CDC40: variants seen among roughly 807,000 people sequenced by gnomAD.
The protein encoded by CDC40 is cell division cycle 40, also known as pre-mRNA-processing factor 17.
In CDC40, 27 loss-of-function variants were observed where a neutral mutation model predicts 80.6. The ratio of observed to expected loss-of-function variants is 0.33; its 90% CI spans 0.25 to 0.46. The LOEUF (loss-of-function observed/expected upper bound fraction) is 0.46, where lower values mean the gene tolerates loss of function less well. Ranked by LOEUF, CDC40 falls within the 20% of genes least tolerant of loss-of-function variation. The pLI, the probability that CDC40 is intolerant of heterozygous loss-of-function variation, is 1.00. For synonymous variants in CDC40, 221 were observed against 232.6 expected (o/e 0.95, Z 0.45); for missense variants, 486 against 694.1 (o/e 0.70, Z 3.37).
At chr6:110,212,015 T>C in intron 6 of CDC40, 118 bp from the exon 7 acceptor site, 1 of 773,024 alleles carries the variant, frequency 1.3e-6, no homozygotes, top group African/African-American at 1.8e-5. Context: ...TGGAGTGTTA[T>C]TACCTAAACC....
chr6:110,210,341 G>T (rs948292183), intron 5 of CDC40, among the ~76,000 whole-genome samples: 11 of 151,736 alleles, frequency 7.2e-5, no homozygotes, highest in African/African-American at 2.7e-4. Context: ...CCAGAGCTCA[G>T]GAGTTCGAGA....
chr6:110,219,681 C>A, intron 11 of CDC40, 55 bp from the exon 12 acceptor site: 1 of 1,567,804 alleles, frequency 6.4e-7, no homozygotes, highest in Non-Finnish European at 8.7e-7. Context: ...GAATTATGGT[C>A]TTTCATAAAT....
intron 1 of CDC40, among the ~76,000 whole-genome samples, chr6:110,181,204 T>C (rs1254430846): frequency 6.6e-6 from 1 of 152,110 alleles, no homozygotes; most frequent in Non-Finnish European, 1.5e-5. Flanking sequence ...GCAGTAAATG[T>C]TTTATGATTG....
intron 5 of CDC40, among the ~76,000 whole-genome samples, chr6:110,209,611 A>G (rs1777607399): frequency 6.6e-6 from 1 of 152,084 alleles, no homozygotes; most frequent in African/African-American, 2.4e-5. Flanking sequence ...TTTATTTAAA[A>G]TTTTCAACAA....
In CDC40 at chr6:110,213,153, A is replaced by C; in HGVS notation, c.935A>C (p.Lys312Thr). 1 of 1,600,668 alleles carries C rather than the reference A, an allele frequency of 6.2e-7. No individual in the cohort carries two copies. Among genetic ancestry groups the C allele is most frequent in the Non-Finnish European group, 8.6e-7 (1 of 1,167,782 alleles). Residue 312 changes from lysine (K) to threonine (T), a missense_variant, in exon 8 of 15, where the codon AAA becomes ACA. Transcript: ENST00000307731. ...TTGCTGTCTTGTTCCATGGACTGTA[A>C]AATTAAGGTGAGTTTTCAGTAACAG... ...HLLLSCSMDC[K>T]IKLWEVYGER...
At chr6:110,210,027 A>T (rs1272682443) in intron 5 of CDC40, among the ~76,000 whole-genome samples, 1 of 152,166 alleles carries the variant, frequency 6.6e-6, no homozygotes, top group African/African-American at 2.4e-5. Context: ...ATGTAAAAAC[A>T]ATTAACTGAA....
At chr6:110,184,387 T>G (rs968280591) in intron 1 of CDC40, among the ~76,000 whole-genome samples, 2 of 146,412 alleles carry the variant, frequency 1.4e-5, no homozygotes, top group Admixed American at 1.4e-4. Flanking sequence ...TTTAGTTTTG[T>G]TTTTTTTTTT....
chr6:110,213,043 C>A lies in CDC40; in HGVS notation c.868-43C>A, dbSNP rs1202356262. On this transcript the variant is annotated intron_variant, in intron 7 of 14. Coordinates refer to ENST00000307731, the MANE Select transcript of CDC40 (RefSeq NM_015891.3). ...TTCTTGATGCTTCATTTGAGCTGAT[C>A]TTTTGAATGCTTCTGGTTGATAACT... is the stretch of plus-strand genomic sequence containing the variant. The A allele has an allele frequency of 3.9e-6, 5 of 1,277,406 alleles. No homozygotes were observed. In the South Asian group the frequency reaches 4.7e-5, roughly 12 times the overall value. The allele number at this position is 1,277,406 out of a possible 1,614,324, so 79.1% of individuals were successfully genotyped here.
rs748325407 is a variant in CDC40 at position 110,193,284 on chromosome 6, T to C, written c.276+16T>C. On this transcript the variant is annotated intron_variant, in intron 2 of 14. Transcript: ENST00000307731. ...TGCTCCTGAGGTAAGAAAACATACT[T>C]AAGGTTCTGACTTTTGCTAAAGAAT... 9.1e-6 allele frequency: 13 copies of C among 1,422,422 alleles called. No homozygotes were observed. The highest frequency in any genetic ancestry group is 1.3e-5 in the Non-Finnish European group (13 of 1,007,230). 88.1% of individuals were successfully genotyped at this position (1,422,422 alleles called of 1,614,324 possible). A position where few individuals can be genotyped will look rare whatever the true frequency, so the allele number is the denominator to read the frequency against.
chr6:110,226,304 A>G, intron 13 of CDC40, 61 bp downstream of exon 13: 1 of 1,072,226 alleles, frequency 9.3e-7, no homozygotes, highest in Admixed American at 2.0e-5. Flanking sequence ...TGATTTCTTT[A>G]TTCAAAAGAA....
intron 1 of CDC40, among the ~76,000 whole-genome samples, chr6:110,188,952 T>A (rs1302333232): frequency 2.6e-5 from 4 of 152,242 alleles, no homozygotes; most frequent in African/African-American, 9.6e-5. Context: ...CCACACTTCC[T>A]GGTAATTCTA....
intron 1 of CDC40, among the ~76,000 whole-genome samples, chr6:110,183,765 C>A (rs747070903): frequency 2.6e-5 from 4 of 152,074 alleles, no homozygotes; most frequent in African/African-American, 9.7e-5. Flanking sequence ...ATTTTTGCAG[C>A]GTTTTTAATC....
Position 110,180,432 on chromosome 6 carries a change from A to G in CDC40, c.-13A>G, listed in dbSNP as rs375233254. On this transcript the variant is annotated 5_prime_UTR_variant, in exon 1 of 15. Transcript: ENST00000307731. ...CGCCCTGGCAGGGTCTCCGCAGAAG[A>G]TTTGTTGCCGTCATGTCGGCTGCGA... 7 of 1,613,716 alleles carry G rather than the reference A, an allele frequency of 4.3e-6. No individual in the cohort carries two copies. The African/African-American group carries it at 5.3e-5, about 12-fold the overall frequency.
chr6:110,183,297 G>A (rs151095205), intron 1 of CDC40, among the ~76,000 whole-genome samples: 290 of 152,264 alleles, frequency 1.9e-3, no homozygotes, highest in African/African-American at 6.4e-3. Context: ...CCAGTGCCTA[G>A]TACACAAGAT....
At chr6:110,224,265 C>G (rs1220359162) in intron 12 of CDC40, 1 of 151,916 alleles carries the variant, frequency 6.6e-6, no homozygotes, top group Non-Finnish European at 1.5e-5. Context: ...AAAATTCAGA[C>G]TTTTATTAGG....
At chr6:110,185,399 C>T (rs866593865) in intron 1 of CDC40, among the ~76,000 whole-genome samples, 8 of 151,562 alleles carry the variant, frequency 5.3e-5, no homozygotes, top group Middle Eastern at 3.4e-3. Context: ...CCCGCCACTA[C>T]GCCCGGCTAA....
chr6:110,213,181 T>C (rs763468832), intron 8 of CDC40, 21 bp downstream of exon 8: 15 of 1,418,806 alleles, frequency 1.1e-5, no homozygotes. Flanking sequence ...AGTAACAGAG[T>C]AGGAGTGCTG....
Position 110,212,248 on chromosome 6 carries a change from T to G in CDC40, c.843T>G (p.Ile281Met). Residue 281 changes from isoleucine to methionine, a missense_variant, in exon 7 of 15, where the codon ATT (isoleucine) becomes ATG (methionine). Ile to Met is a conservative substitution (Grantham distance 10). Around this residue, in one of 3 missense-constraint regions of CDC40, gnomAD observed 381 missense variants for 492.1 expected, o/e 0.77. Transcript: ENST00000307731. ...PEKCYLPKKQ[I>M]HVWSGHTKGV... ...AGTGTTATCTTCCCAAAAAACAAATTCATGTGTGGTCTGGACACACAAAGG... is the reference window on the plus strand; with the variant it reads ...AGTGTTATCTTCCCAAAAAACAAATGCATGTGTGGTCTGGACACACAAAGG... 1 of 1,614,094 alleles carries G rather than the reference T, an allele frequency of 6.2e-7. No individual in the cohort carries two copies. The highest frequency in any genetic ancestry group is 8.5e-7 in the Non-Finnish European group (1 of 1,179,986).
At chr6:110,196,298 C>T (rs964054420) in intron 2 of CDC40, among the ~76,000 whole-genome samples, 1 of 152,134 alleles carries the variant, frequency 6.6e-6, no homozygotes, top group Non-Finnish European at 1.5e-5. Flanking sequence ...AACATTTACT[C>T]AATTGCTTAT....
Sources: gnomAD v4.1 joint callset for allele counts (sites outside exome capture counted in the v4.1 genomes callset) on GRCh38, gnomAD v4.1.1 for gene constraint, gnomAD v4.1.1 regional missense constraint, MANE v1.5 for transcripts, NCBI Gene and HGNC (gene_info 2026-07-23, HGNC 2026-07-21) for gene names.